Variants in AKAP19 observed in about 807,000 individuals in gnomAD.
AKAP19 encodes the protein A-kinase anchoring protein 19.
chr2:190,174,081 A>G, the AKAP19 span, among the ~76,000 whole-genome samples: 3 of 152,282 alleles, frequency 2.0e-5, no homozygotes, highest in African/African-American at 7.2e-5. Context: ...TCTTTAAAAT[A>G]GCCCAGTCAG....
At chr2:189,909,207 A>AAT in the AKAP19 span, among the ~76,000 whole-genome samples, 6 of 151,566 alleles carry the variant, frequency 4.0e-5, no homozygotes, top group Non-Finnish European at 7.4e-5. Flanking sequence ...ATTTGCATAT[A>AAT]ATATATATAT....
At chr2:189,882,122 C>A in the AKAP19 span, among the ~76,000 whole-genome samples, 30 of 152,242 alleles carry the variant, frequency 2.0e-4, no homozygotes, top group African/African-American at 6.7e-4. Context: ...AAACTTGGGG[C>A]TCCTGGGCCT....
the AKAP19 span, among the ~76,000 whole-genome samples, chr2:190,074,853 A>G: frequency 4.1e-3 from 629 of 152,296 alleles, 7 homozygotes; most frequent in African/African-American, 0.015. Context: ...TTTTATATTT[A>G]TCAAAATTTA....
chr2:190,133,917 T>C, the AKAP19 span, among the ~76,000 whole-genome samples: 16 of 152,332 alleles, frequency 1.1e-4, no homozygotes, highest in Non-Finnish European at 1.2e-4. Flanking sequence ...AGATTTCTTG[T>C]ACATTATGGT....
At chr2:190,101,770 C>T in the AKAP19 span, among the ~76,000 whole-genome samples, 1 of 151,862 alleles carries the variant, frequency 6.6e-6, no homozygotes, top group Admixed American at 6.6e-5. Context: ...ACCCCACTAA[C>T]AGCATTAGAC....
the AKAP19 span, among the ~76,000 whole-genome samples, chr2:190,145,538 T>C: frequency 6.6e-6 from 1 of 152,196 alleles, no homozygotes; most frequent in African/African-American, 2.4e-5. Context: ...GGCCATCCCA[T>C]AAGATTATAA....
chr2:190,194,359 T>G, the AKAP19 span, among the ~76,000 whole-genome samples: 3 of 152,142 alleles, frequency 2.0e-5, no homozygotes, highest in East Asian at 5.8e-4. Context: ...GTTGTGTATC[T>G]TTTATAGATA....
chr2:190,028,173 T>C, the AKAP19 span, among the ~76,000 whole-genome samples: 1 of 152,140 alleles, frequency 6.6e-6, no homozygotes, highest in African/African-American at 2.4e-5. Context: ...TATACAAAAA[T>C]TCATGAGGAG....
At chr2:190,008,990 T>C in the AKAP19 span, among the ~76,000 whole-genome samples, 3 of 152,054 alleles carry the variant, frequency 2.0e-5, no homozygotes, top group African/African-American at 7.2e-5. Flanking sequence ...GGATGTTCCA[T>C]GTGGCTGTCT....
the AKAP19 span, among the ~76,000 whole-genome samples, chr2:189,935,815 A>C: frequency 3.3e-5 from 5 of 152,162 alleles, no homozygotes; most frequent in Non-Finnish European, 7.4e-5. Context: ...AAAGATGTGT[A>C]TAATATTAAA....
the AKAP19 span, among the ~76,000 whole-genome samples, chr2:189,926,204 T>G: frequency 6.6e-6 from 1 of 152,232 alleles, no homozygotes; most frequent in Non-Finnish European, 1.5e-5. Context: ...TTATGGAGCT[T>G]TCCATTTCAC....
At chr2:189,916,630 A>G in the AKAP19 span, among the ~76,000 whole-genome samples, 3 of 152,026 alleles carry the variant, frequency 2.0e-5, no homozygotes, top group Non-Finnish European at 2.9e-5. Flanking sequence ...CCTATACTTA[A>G]ATAATTTTCA....
the AKAP19 span, among the ~76,000 whole-genome samples, chr2:190,064,052 T>G: frequency 6.6e-6 from 1 of 152,174 alleles, no homozygotes; most frequent in Non-Finnish European, 1.5e-5. Flanking sequence ...AATATTTATT[T>G]TTAAAGTCAC....
At chr2:190,091,861 T>C in the AKAP19 span, among the ~76,000 whole-genome samples, 5 of 152,222 alleles carry the variant, frequency 3.3e-5, no homozygotes, top group East Asian at 7.7e-4. Flanking sequence ...TTATAAAATA[T>C]AGAAAACACA....
At chr2:190,084,958 C>T in the AKAP19 span, among the ~76,000 whole-genome samples, 1 of 152,182 alleles carries the variant, frequency 6.6e-6, no homozygotes, top group Non-Finnish European at 1.5e-5. Flanking sequence ...TTCTAGTTTT[C>T]CTAGTCAGCC....
At chr2:190,111,245 A>C in the AKAP19 span, among the ~76,000 whole-genome samples, 1 of 152,130 alleles carries the variant, frequency 6.6e-6, no homozygotes, top group South Asian at 2.1e-4. Context: ...TACTTTGAAA[A>C]CAAAACAAAA....
the AKAP19 span, among the ~76,000 whole-genome samples, chr2:190,031,003 G>T: frequency 2.6e-5 from 4 of 152,204 alleles, no homozygotes; most frequent in African/African-American, 9.6e-5. Flanking sequence ...TTCACGGTTT[G>T]CTGGCTTGTG....
At chr2:190,180,844 G>A in the AKAP19 span, 1 of 985,280 alleles carries the variant, frequency 1.0e-6, no homozygotes, top group Non-Finnish European at 1.2e-6. This position sits in a 1 kb window ranked among gnomAD's most constrained non-coding sequence, Gnocchi z 6.8. Flanking sequence ...GGGCGCCGCC[G>A]AAGGACGCCC....
At chr2:189,953,571 T>A in the AKAP19 span, among the ~76,000 whole-genome samples, 1 of 148,382 alleles carries the variant, frequency 6.7e-6, no homozygotes, top group Non-Finnish European at 1.5e-5. Flanking sequence ...GAGGCGGAAG[T>A]TGCAGTGAGC....
Sources: gnomAD v4.1 joint callset for allele counts (sites outside exome capture counted in the v4.1 genomes callset) on GRCh38, gnomAD v4.1.1 for gene constraint, Gnocchi (gnomAD v3.1) non-coding constraint, MANE v1.5 for transcripts, NCBI Gene and HGNC (gene_info 2026-07-23, HGNC 2026-07-21) for gene names.